CNNM1: variants seen among roughly 807,000 people sequenced by gnomAD.
CNNM1 encodes the protein metal transporter CNNM1.
A neutral mutation model predicts 78.8 loss-of-function variants in CNNM1; 44 were observed. That is an observed-to-expected ratio of 0.56 (90% CI 0.44 to 0.72). The LOEUF is 0.72. Among genes scored for constraint, CNNM1 ranks in the 30% least tolerant of loss-of-function variants. The pLI is 0.00. For synonymous variants in CNNM1, 584 were observed against 581.5 expected, an observed-to-expected ratio of 1.00 and a Z score of -0.06; for missense variants, 1,101 against 1,292.2, an observed-to-expected ratio of 0.85 and a Z score of 2.27.
intron 2 of CNNM1, among the ~76,000 whole-genome samples, chr10:99,359,179 G>A (rs567225169): frequency 1.1e-4 from 10 of 92,784 alleles, no homozygotes; most frequent in African/African-American, 3.6e-4. Flanking sequence ...GAAATCTAAG[G>A]AGAAGGGGGC....
intron 1 of CNNM1, among the ~76,000 whole-genome samples, chr10:99,352,498 G>C (rs1178252766): frequency 6.6e-6 from 1 of 152,166 alleles, no homozygotes; most frequent in Non-Finnish European, 1.5e-5. Flanking sequence ...TGTCTGAGAG[G>C]TTCAATTTTT....
chr10:99,386,007 G>C (rs2862609), intron 7 of CNNM1, among the ~76,000 whole-genome samples: 134,743 of 152,216 alleles, frequency 0.89, 59,764 homozygotes, highest in African/African-American at 0.9. Context: ...ATTTTGGAAC[G>C]TGACTTCTCA....
At chr10:99,349,997 T>TCAAAA (rs1314730011) in intron 1 of CNNM1, among the ~76,000 whole-genome samples, 1 of 151,962 alleles carries the variant, frequency 6.6e-6, no homozygotes, top group Non-Finnish European at 1.5e-5. Flanking sequence ...AGACTCAGTC[T>TCAAAA]CAAAACAAAA....
intron 9 of CNNM1, 147 bp from the exon 10 acceptor site, chr10:99,390,159 G>A (rs909474046): frequency 1.5e-5 from 9 of 586,314 alleles, no homozygotes; most frequent in African/African-American, 1.5e-4. Flanking sequence ...GTACTTCCCT[G>A]GGCGTCCCTG....
chr10:99,388,683 T>C (rs2032381185), intron 9 of CNNM1, among the ~76,000 whole-genome samples: 1 of 152,212 alleles, frequency 6.6e-6, no homozygotes, highest in African/African-American at 2.4e-5. Context: ...TCTTATAAAG[T>C]AGCTTTGAGT....
At position 99,329,673 on chromosome 10, in the gene CNNM1, G is replaced by A; in HGVS notation, c.286G>A (p.Glu96Lys). The change falls in exon 1 of 11, where the codon GAG becomes AAG. Residue 96 changes from glutamate (E) to lysine (K), a missense_variant. Glu to Lys is a moderately conservative substitution (Grantham distance 56, BLOSUM62 1). This residue lies in a region of CNNM1 where 476 missense variants were observed against 484.5 expected (regional missense o/e 0.98). Transcript: ENST00000356713. ...PVPSPTLNSG[E>K]NGTGDWAPRL... ...GCCCTCACCGACCCTCAACTCGGGGGAGAATGGCACCGGCGACTGGGCTCC... is the reference window on the plus strand; with the variant it reads ...GCCCTCACCGACCCTCAACTCGGGGAAGAATGGCACCGGCGACTGGGCTCC... 1 of 1,558,526 alleles carries A rather than the reference G, an allele frequency of 6.4e-7. No homozygotes were observed. Among genetic ancestry groups the A allele is most frequent in the Non-Finnish European group, 8.6e-7 (1 of 1,162,698 alleles).
intron 6 of CNNM1, among the ~76,000 whole-genome samples, chr10:99,374,577 A>G (rs975451720): frequency 6.6e-6 from 1 of 152,208 alleles, no homozygotes. Context: ...TAAGAGCTTT[A>G]GTGACTTTAA....
At chr10:99,340,907 T>TGCCTGCCTGCCTGCCTGCCTGCCG (rs2030430500) in intron 1 of CNNM1, among the ~76,000 whole-genome samples, 1 of 151,906 alleles carries the variant, frequency 6.6e-6, no homozygotes, top group African/African-American at 2.4e-5. Flanking sequence ...CCTGCCTGCC[T>TGCCTGCCTGCCTGCCTGCCTGCCG]GCCTGTATTG....
At chr10:99,343,519 G>A (rs879743525) in intron 1 of CNNM1, among the ~76,000 whole-genome samples, 7 of 152,072 alleles carry the variant, frequency 4.6e-5, no homozygotes, top group Admixed American at 6.6e-5. Context: ...AAAGACAGAA[G>A]TGTCCTGCTC....
chr10:99,347,672 A>G (rs973101781), intron 1 of CNNM1, among the ~76,000 whole-genome samples: 3 of 150,284 alleles, frequency 2.0e-5, no homozygotes, highest in Non-Finnish European at 4.4e-5. Context: ...TCCTGGCTCT[A>G]TCACATTGGC....
At chr10:99,356,522 G>C (rs11190069) in intron 1 of CNNM1, among the ~76,000 whole-genome samples, 1 of 127,326 alleles carries the variant, frequency 7.9e-6, no homozygotes, top group Non-Finnish European at 1.7e-5. Context: ...AAGAGAAAGA[G>C]AGAAAGAAAG....
intron 1 of CNNM1, among the ~76,000 whole-genome samples, chr10:99,341,245 A>G (rs547656843): frequency 1.3e-4 from 20 of 152,194 alleles, no homozygotes; most frequent in African/African-American, 4.8e-4. Context: ...GAGGGCCAGC[A>G]TGGGTGCCAT....
intron 6 of CNNM1, among the ~76,000 whole-genome samples, chr10:99,372,553 C>T (rs2031835584): frequency 6.6e-6 from 1 of 152,202 alleles, no homozygotes; most frequent in Admixed American, 6.5e-5. Flanking sequence ...CTCCTCGCTT[C>T]ACTCCCCCAA....
intron 6 of CNNM1, among the ~76,000 whole-genome samples, chr10:99,365,300 G>A (rs188055153): frequency 6.6e-6 from 1 of 152,352 alleles, no homozygotes; most frequent in African/African-American, 2.4e-5. Flanking sequence ...GCAGGCAGGT[G>A]ATTTGTGTGC....
intron 6 of CNNM1, among the ~76,000 whole-genome samples, 192 bp from the exon 7 acceptor site, chr10:99,376,863 T>C (rs1384940580): frequency 1.3e-5 from 2 of 152,086 alleles, no homozygotes; most frequent in Non-Finnish European, 2.9e-5. Flanking sequence ...ACAAAGCAGC[T>C]CAGCTCCTTC....
At chr10:99,337,023 T>TTAGC (rs2030218834) in intron 1 of CNNM1, among the ~76,000 whole-genome samples, 2 of 152,220 alleles carry the variant, frequency 1.3e-5, no homozygotes, top group African/African-American at 4.8e-5. Flanking sequence ...GTCTGTTTCA[T>TTAGC]TAGCTGTAAA....
At chr10:99,333,654 A>AT (rs972833194) in intron 1 of CNNM1, among the ~76,000 whole-genome samples, 4 of 152,108 alleles carry the variant, frequency 2.6e-5, no homozygotes, top group African/African-American at 9.7e-5. Context: ...CTCATTTAGT[A>AT]TTTTTTAAAC....
At chr10:99,349,695 A>G (rs1476001818) in intron 1 of CNNM1, among the ~76,000 whole-genome samples, 1 of 152,194 alleles carries the variant, frequency 6.6e-6, no homozygotes, top group Non-Finnish European at 1.5e-5. Flanking sequence ...AATCACCTGG[A>G]GAGCTCATTA....
chr10:99,344,126 C>T (rs965995016), intron 1 of CNNM1, among the ~76,000 whole-genome samples: 1 of 150,854 alleles, frequency 6.6e-6, no homozygotes, highest in Non-Finnish European at 1.5e-5. Flanking sequence ...TGAGGTCAGG[C>T]GTTCAAGACC....
Sources: allele counts gnomAD v4.1 joint callset (sites outside exome capture counted in the v4.1 genomes callset), GRCh38; gene constraint gnomAD v4.1.1; regional missense constraint gnomAD v4.1.1; transcripts MANE v1.5; gene names NCBI Gene and HGNC (gene_info 2026-07-23, HGNC 2026-07-21).